GLUD1: variants seen among roughly 807,000 people sequenced by gnomAD.
GLUD1 encodes the protein glutamate dehydrogenase 1, mitochondrial.
In GLUD1, 22 loss-of-function variants were observed where a neutral mutation model predicts 56.0. The ratio of observed to expected loss-of-function variants is 0.39; its 90% CI spans 0.28 to 0.56. The LOEUF (loss-of-function observed/expected upper bound fraction) is 0.56. GLUD1 is among the 20% of genes least tolerant of loss of function. The pLI is 0.58. For synonymous variants in GLUD1, 223 were observed against 269.9 expected (o/e 0.83, Z 1.70); for missense variants, 451 against 732.0 (o/e 0.62, Z 4.43).
intron 4 of GLUD1, among the ~76,000 whole-genome samples, chr10:87,071,272 A>T (rs1477864967): frequency 6.6e-6 from 1 of 151,786 alleles, no homozygotes; most frequent in Non-Finnish European, 1.5e-5. Flanking sequence ...GGCTCACTGC[A>T]ACCTCCGCCT....
intron 12 of GLUD1, among the ~76,000 whole-genome samples, chr10:87,052,401 T>C (rs974618991): frequency 1.3e-5 from 2 of 151,942 alleles, no homozygotes; most frequent in African/African-American, 4.8e-5. Context: ...GGAAGGAGAA[T>C]TGCTTGAAGC....
chr10:87,077,458 CT>C (rs1441367497), intron 1 of GLUD1, among the ~76,000 whole-genome samples: 2 of 151,902 alleles, frequency 1.3e-5, no homozygotes, highest in Admixed American at 1.3e-4. Flanking sequence ...CTGCCAACCT[CT>C]TTCAATCTGA....
rs561908719 is a variant in GLUD1, at chr10:87,084,336, C to T, written c.446-7680G>A. On this transcript the variant is annotated intron_variant, in intron 1 of 12. Coordinates refer to ENST00000277865, the MANE Select transcript of GLUD1 (RefSeq NM_005271.5). Reference sequence around the variant, plus strand: ...ACTATATACAGTACAAAGCACTGATCTGATTTTTAACTTAATTACCACAGA... The same window carrying T: ...ACTATATACAGTACAAAGCACTGATTTGATTTTTAACTTAATTACCACAGA... Among the ~76,000 whole-genome samples the T allele has an allele frequency of 7.9e-5, 12 of 152,372 alleles. No individual in the cohort carries two copies. In the South Asian group the frequency reaches 2.5e-3, roughly 32 times the overall value.
At chr10:87,091,245 G>A (rs974381228) in intron 1 of GLUD1, among the ~76,000 whole-genome samples, 2 of 16,456 alleles carry the variant, frequency 1.2e-4, no homozygotes, top group Non-Finnish European at 2.0e-4. Context: ...AAGACAACTG[G>A]GGGGGGGCAG....
chr10:87,082,046 C>T (rs1841272979), intron 1 of GLUD1, among the ~76,000 whole-genome samples: 1 of 151,800 alleles, frequency 6.6e-6, no homozygotes, highest in African/African-American at 2.4e-5. Flanking sequence ...GAAGTCATCA[C>T]CACATTATTT....
chr10:87,059,009 A>T, intron 10 of GLUD1, 141 bp downstream of exon 10: 2 of 986,052 alleles, frequency 2.0e-6, no homozygotes, highest in Admixed American at 1.8e-5. Flanking sequence ...TTTTGGTCTA[A>T]GTTTCATGAG....
chr10:87,070,043 T>G (rs1157496352), intron 4 of GLUD1, among the ~76,000 whole-genome samples: 1 of 152,244 alleles, frequency 6.6e-6, no homozygotes, highest in Non-Finnish European at 1.5e-5. Context: ...ACAACTTTGT[T>G]TAACCACTCC....
chr10:87,075,250 C>A (rs1846354298), intron 3 of GLUD1, among the ~76,000 whole-genome samples: 1 of 152,110 alleles, frequency 6.6e-6, no homozygotes, highest in Non-Finnish European at 1.5e-5. Context: ...CAGGTGTGCA[C>A]CACTATGCCT....
At chr10:87,079,320 C>T (rs897183496) in intron 1 of GLUD1, among the ~76,000 whole-genome samples, 1 of 150,428 alleles carries the variant, frequency 6.6e-6, no homozygotes, top group Admixed American at 6.6e-5. Flanking sequence ...TGCGTGTAGT[C>T]GAAGATGCTC....
chr10:87,087,970 A>C (rs952828893), intron 1 of GLUD1, among the ~76,000 whole-genome samples: 3 of 152,142 alleles, frequency 2.0e-5, no homozygotes, highest in Non-Finnish European at 4.4e-5. Flanking sequence ...AATCCCAGCT[A>C]CTTGGTAGGC....
At chr10:87,075,870 C>A in intron 3 of GLUD1, 98 bp downstream of exon 3, 7 of 848,718 alleles carry the variant, frequency 8.2e-6, no homozygotes, top group East Asian at 4.9e-5. Context: ...GCCAAGATTG[C>A]GCCATTGTAC....
intron 6 of GLUD1, among the ~76,000 whole-genome samples, chr10:87,062,169 T>C (rs929584300): frequency 2.6e-5 from 4 of 152,228 alleles, no homozygotes; most frequent in African/African-American, 9.6e-5. Flanking sequence ...CCACCCGTCT[T>C]GGCCTCCCAA....
rs546318407 is a variant in GLUD1, at chr10:87,094,514, C to G, written c.256G>C (p.Val86Leu). The G allele has an allele frequency of 6.2e-7, 1 of 1,613,104 alleles. No individual in the cohort carries two copies. The highest frequency in any genetic ancestry group is 1.3e-5 in the African/African-American group (1 of 74,916). Reference sequence around the variant, plus strand: ...CTCTCCCGGGTCCTCAGGTCCTCCACCAGCTTGTCCTCCACGATGCTGGCG... The same window carrying G: ...CTCTCCCGGGTCCTCAGGTCCTCCAGCAGCTTGTCCTCCACGATGCTGGCG... ...RGASIVEDKL[V>L]EDLRTRESEE... The change falls in exon 1 of 13, where the codon GTG (valine) becomes CTG (leucine). Residue 86 changes from valine (V) to leucine (L), a missense_variant. Coordinates refer to ENST00000277865, the MANE Select transcript of GLUD1 (RefSeq NM_005271.5). This position sits in a 1 kb window ranked among gnomAD's most constrained non-coding sequence, Gnocchi z 6.6.
At chr10:87,081,388 C>A (rs1157094492) in intron 1 of GLUD1, among the ~76,000 whole-genome samples, 1 of 151,252 alleles carries the variant, frequency 6.6e-6, no homozygotes, top group Non-Finnish European at 1.5e-5. Context: ...TCTGCCCGGC[C>A]GCCCCTACTG....
At position 87,076,593 on chromosome 10, in the gene GLUD1, T is replaced by C; in HGVS notation, c.509A>G (p.Tyr170Cys). 6.3e-7 allele frequency: 1 copy of C among 1,599,762 alleles called. No homozygotes were observed. Among genetic ancestry groups the C allele is most frequent in the Non-Finnish European group, 8.6e-7 (1 of 1,166,862 alleles). Residue 170 changes from tyrosine (Y) to cysteine (C), a missense_variant, in exon 2 of 13, where the codon TAC (tyrosine) becomes TGC (cysteine). Coordinates refer to ENST00000277865, the MANE Select transcript of GLUD1 (RefSeq NM_005271.5). ...TCACTTACCAACCACTGCACACTTG[T>C]ATGTCATCAGAGAAGCCAAAGCTTT... ...EVKALASLMT[Y>C]KCAVVDVPFG...
chr10:87,083,677 T>C (rs1841316605), intron 1 of GLUD1, among the ~76,000 whole-genome samples: 1 of 152,190 alleles, frequency 6.6e-6, no homozygotes, highest in African/African-American at 2.4e-5. Context: ...AAGTAAATTA[T>C]ATTTTTGTAT....
At chr10:87,057,650 G>T in intron 11 of GLUD1, 41 bp downstream of exon 11, 1 of 974,504 alleles carries the variant, frequency 1.0e-6, no homozygotes, top group African/African-American at 1.6e-5. Context: ...GAAAGAGCAG[G>T]GAGCATGTGT....
chr10:87,059,086 C>T (rs189288498), intron 10 of GLUD1, 64 bp downstream of exon 10: 539 of 1,594,474 alleles, frequency 3.4e-4, no homozygotes, highest in Non-Finnish European at 4.3e-4. Context: ...TTAAGTGGAC[C>T]TTTTTACAGC....
intron 1 of GLUD1, chr10:87,089,660 T>G: frequency 1.0e-6 from 1 of 983,880 alleles, no homozygotes; most frequent in African/African-American, 1.7e-5. Context: ...CGGAAGGTCT[T>G]GAGTAGCTCC....
Sources: allele counts gnomAD v4.1 joint callset (sites outside exome capture counted in the v4.1 genomes callset), GRCh38; gene constraint gnomAD v4.1.1; non-coding constraint Gnocchi (gnomAD v3.1); transcripts MANE v1.5; gene names NCBI Gene and HGNC (gene_info 2026-07-23, HGNC 2026-07-21).